SLC24A3: variants seen among roughly 807,000 people sequenced by gnomAD.
SLC24A3 encodes sodium/potassium/calcium exchanger 3.
A neutral mutation model predicts 75.8 loss-of-function variants in SLC24A3; 28 were observed. The observed-to-expected ratio is 0.37, with a 90% CI of 0.27 to 0.51. The LOEUF (loss-of-function observed/expected upper bound fraction) is 0.51. Ranked by LOEUF, SLC24A3 falls within the 20% of genes least tolerant of loss-of-function variation. The pLI is 0.94. For synonymous variants in SLC24A3, 372 were observed against 334.1 expected, an observed-to-expected ratio of 1.11 and a Z score of -1.24; for missense variants, 663 against 847.8, an observed-to-expected ratio of 0.78 and a Z score of 2.71.
intron 2 of SLC24A3, among the ~76,000 whole-genome samples, chr20:19,453,696 A>G (rs1987531861): frequency 6.6e-6 from 1 of 152,212 alleles, no homozygotes. Flanking sequence ...TTCCATTGCC[A>G]TAGGCTCTGC....
chr20:19,212,964 C>A lies in SLC24A3; in HGVS notation c.122C>A (p.Ser41Ter). 1 of 1,307,920 alleles carries A rather than the reference C, an allele frequency of 7.6e-7. No individual in the cohort carries two copies. Among genetic ancestry groups the A allele is most frequent in the Non-Finnish European group, 9.7e-7 (1 of 1,026,160 alleles). The allele number at this position is 1,307,920 out of a possible 1,614,324, so 81.0% of individuals were successfully genotyped here. Residue 41 changes from serine to a stop codon, truncating the protein, a stop_gained, in exon 1 of 17, where the codon TCG becomes TAG. Transcript: ENST00000328041. LOFTEE classifies it high-confidence loss of function. ...GTGGCGCTGCTGCTCTGGTCGCTGT[C>A]GAGCCTGCGAGAGCAGAAGGGTGAG... The part of the protein sequence containing the change: ...ASVALLLWSL[S>*]SLREQKELDL...
At chr20:19,350,044 G>A (rs1017915941) in intron 2 of SLC24A3, among the ~76,000 whole-genome samples, 5 of 152,222 alleles carry the variant, frequency 3.3e-5, no homozygotes, top group African/African-American at 1.2e-4. Flanking sequence ...CACCGTTGGA[G>A]GCCTCCAGGA....
In SLC24A3 at chr20:19,632,202, G is replaced by C. The variant is rs191799595; in HGVS notation, c.613-21860G>C. On this transcript the variant is annotated intron_variant, in intron 6 of 16. Transcript: ENST00000328041. ...CGGCAGCACCTGGTGCCTGGCATGCGAAGTTCCATAGCAGGGTAGGTGTAT... is the reference window on the plus strand; with the variant it reads ...CGGCAGCACCTGGTGCCTGGCATGCCAAGTTCCATAGCAGGGTAGGTGTAT... 2.6e-5 allele frequency among the ~76,000 whole-genome samples: 4 copies of C among 152,228 alleles called. No homozygotes were observed. The East Asian group carries it at 7.7e-4, about 29-fold the overall frequency.
At chr20:19,664,510 T>C (rs1304354902) in intron 7 of SLC24A3, among the ~76,000 whole-genome samples, 2 of 152,238 alleles carry the variant, frequency 1.3e-5, no homozygotes, top group African/African-American at 4.8e-5. Flanking sequence ...CATTTTGACC[T>C]TCAAGATAAT....
At chr20:19,372,837 A>T (rs1301531729) in intron 2 of SLC24A3, among the ~76,000 whole-genome samples, 1 of 151,996 alleles carries the variant, frequency 6.6e-6, no homozygotes, top group African/African-American at 2.4e-5. Context: ...CAACCAGCAC[A>T]TTTCATCCTT....
At chr20:19,683,588 C>T (rs2032638551) in intron 10 of SLC24A3, among the ~76,000 whole-genome samples, 1 of 152,220 alleles carries the variant, frequency 6.6e-6, no homozygotes, top group African/African-American at 2.4e-5. Context: ...CCATGTCCTC[C>T]AGTGCAGAAC....
At chr20:19,445,399 T>C (rs1987364363) in intron 2 of SLC24A3, among the ~76,000 whole-genome samples, 1 of 152,238 alleles carries the variant, frequency 6.6e-6, no homozygotes, top group Non-Finnish European at 1.5e-5. Flanking sequence ...CATGGATTTG[T>C]ATTTATGCAC....
At chr20:19,395,722 A>G (rs1986442481) in intron 2 of SLC24A3, among the ~76,000 whole-genome samples, 1 of 152,218 alleles carries the variant, frequency 6.6e-6, no homozygotes, top group Non-Finnish European at 1.5e-5. Flanking sequence ...TTAAAGTATG[A>G]GTAGGAATTT....
At chr20:19,608,216 T>C (rs2031623546) in intron 6 of SLC24A3, among the ~76,000 whole-genome samples, 1 of 152,248 alleles carries the variant, frequency 6.6e-6, no homozygotes, top group Non-Finnish European at 1.5e-5. Context: ...TAGTCTTTAA[T>C]AGACTCCTAA....
At chr20:19,658,777 T>TAG (rs1252377386) in intron 7 of SLC24A3, among the ~76,000 whole-genome samples, 1 of 152,132 alleles carries the variant, frequency 6.6e-6, no homozygotes, top group Admixed American at 6.5e-5. Flanking sequence ...CTAGGTTCTT[T>TAG]AGAGCCCTTC....
At chr20:19,418,011 G>A (rs1457675371) in intron 2 of SLC24A3, among the ~76,000 whole-genome samples, 1 of 152,200 alleles carries the variant, frequency 6.6e-6, no homozygotes, top group Non-Finnish European at 1.5e-5. Context: ...CTGAGAGATT[G>A]CTAGATCCCT....
chr20:19,714,092 A>G (rs1338297678), intron 15 of SLC24A3, among the ~76,000 whole-genome samples: 2 of 152,186 alleles, frequency 1.3e-5, no homozygotes, highest in Non-Finnish European at 2.9e-5. Flanking sequence ...CTGAGTTCCA[A>G]TAAAATTTTA....
chr20:19,219,055 T>C (rs1981638721), intron 1 of SLC24A3, among the ~76,000 whole-genome samples: 1 of 152,148 alleles, frequency 6.6e-6, no homozygotes, highest in Non-Finnish European at 1.5e-5. Context: ...TTGTTTGCAA[T>C]GGTTTCACAA....
intron 2 of SLC24A3, among the ~76,000 whole-genome samples, chr20:19,398,261 A>C (rs2122399899): frequency 6.6e-6 from 1 of 152,238 alleles, no homozygotes; most frequent in East Asian, 1.9e-4. Context: ...TATAGATCAA[A>C]CTGGGGAGAA....
intron 6 of SLC24A3, among the ~76,000 whole-genome samples, chr20:19,599,890 A>G (rs1232616388): frequency 6.6e-6 from 1 of 152,158 alleles, no homozygotes; most frequent in African/African-American, 2.4e-5. Context: ...TAAGGAGGAA[A>G]GCTTGAGAGG....
At chr20:19,395,907 G>T (rs1986445364) in intron 2 of SLC24A3, among the ~76,000 whole-genome samples, 1 of 152,126 alleles carries the variant, frequency 6.6e-6, no homozygotes, top group South Asian at 2.1e-4. Flanking sequence ...ATGGTTTGGG[G>T]CCATTTGGGG....
intron 2 of SLC24A3, among the ~76,000 whole-genome samples, chr20:19,356,752 C>T (rs1363276628): frequency 6.6e-6 from 1 of 152,094 alleles, no homozygotes; most frequent in Admixed American, 6.5e-5. Context: ...AACTGTTCTC[C>T]AGCATGTTTC....
At chr20:19,643,695 C>A (rs1037470612) in intron 6 of SLC24A3, among the ~76,000 whole-genome samples, 1 of 152,172 alleles carries the variant, frequency 6.6e-6, no homozygotes, top group Non-Finnish European at 1.5e-5. Context: ...GATGCATAGT[C>A]TTAACTGTCT....
At chr20:19,687,831 G>T (rs549702866) in intron 12 of SLC24A3, among the ~76,000 whole-genome samples, 1 of 152,072 alleles carries the variant, frequency 6.6e-6, no homozygotes, top group Non-Finnish European at 1.5e-5. Context: ...ACTCGTGCTC[G>T]CCACCCTCTG....
Sources: gnomAD v4.1 joint callset for allele counts (sites outside exome capture counted in the v4.1 genomes callset) on GRCh38, gnomAD v4.1.1 for gene constraint, MANE v1.5 for transcripts, NCBI Gene and HGNC (gene_info 2026-07-23, HGNC 2026-07-21) for gene names.